ADAM12: variants seen among roughly 807,000 people sequenced by gnomAD.
The protein encoded by ADAM12 is ADAM metallopeptidase domain 12, also known as disintegrin and metalloproteinase domain-containing protein 12.
ADAM12 carries 70 observed loss-of-function variants against 106.4 expected under a neutral mutation model. The ratio of observed to expected loss-of-function variants is 0.66; its 90% confidence interval spans 0.54 to 0.80. The LOEUF (loss-of-function observed/expected upper bound fraction) is 0.80, where lower values mean the gene tolerates loss of function less well. ADAM12 is among the 30% of genes least tolerant of loss of function. ADAM12 has a pLI of 0.00. For synonymous variants in ADAM12, 420 were observed against 433.5 expected, an observed-to-expected ratio of 0.97 and a Z score of 0.39; for missense variants, 1,010 against 1,171.9, an observed-to-expected ratio of 0.86 and a Z score of 2.02.
chr10:126,144,370 T>A (rs1158862203), intron 4 of ADAM12, among the ~76,000 whole-genome samples: 1 of 152,200 alleles, frequency 6.6e-6, no homozygotes, highest in Non-Finnish European at 1.5e-5. Flanking sequence ...TGTAAGGCAT[T>A]GTTACAAATC....
At chr10:126,380,773 T>C (rs960649996) in intron 1 of ADAM12, among the ~76,000 whole-genome samples, 1 of 152,250 alleles carries the variant, frequency 6.6e-6, no homozygotes, top group Non-Finnish European at 1.5e-5. Flanking sequence ...TTAAAGAGCA[T>C]GGACATACTC....
chr10:126,163,269 C>T (rs982992230), intron 3 of ADAM12, among the ~76,000 whole-genome samples: 1 of 152,214 alleles, frequency 6.6e-6, no homozygotes, highest in Non-Finnish European at 1.5e-5. Flanking sequence ...GAGAGCTGTT[C>T]TCTTTCTTGG....
intron 2 of ADAM12, among the ~76,000 whole-genome samples, chr10:126,296,028 G>T (rs1960365976): frequency 6.6e-6 from 1 of 152,154 alleles, no homozygotes; most frequent in South Asian, 2.1e-4. Flanking sequence ...GGCAGGAACA[G>T]TCCATGAAGG....
rs369979668 is a variant in ADAM12, at chr10:126,058,785, C to T, written c.1609+6021G>A. 2.0e-5 allele frequency among the ~76,000 whole-genome samples: 3 copies of T among 152,312 alleles called. No individual in the cohort carries two copies. In the East Asian group the frequency reaches 5.8e-4, roughly 29 times the overall value. The stretch of plus-strand genomic sequence containing the variant: ...TGCCATCTGGCATTTATCTTAGAGA[C>T]AGAGTGGTCAATAATTTAAAAAGTG... On this transcript the variant is annotated intron_variant, in intron 14 of 22. Transcript: ENST00000448723.
chr10:126,012,426 TAAC>T lies in ADAM12; in HGVS notation c.*4850_*4852del, dbSNP rs1446609223. The T allele has an allele frequency of 1.1e-4, 16 of 152,372 alleles. No homozygotes were observed. The highest frequency in any genetic ancestry group is 3.4e-3 in the Middle Eastern group (1 of 294). The allele number at this position is 152,372 out of a possible 1,614,324, so 9.4% of individuals were successfully genotyped here. On this transcript the variant is annotated 3_prime_UTR_variant, in exon 23 of 23. Coordinates refer to ENST00000448723, the MANE Select transcript of ADAM12 (RefSeq NM_001288973.2). ...TACAATTTATTGGGTTTAATATTCA[TAAC>T]AATAACTTTTTCTACTGAAATAGCA...
intron 1 of ADAM12, 58 bp downstream of exon 1, chr10:126,388,000 G>T (rs969330402): frequency 5.9e-6 from 7 of 1,189,956 alleles, no homozygotes; most frequent in African/African-American, 1.6e-5. Context: ...GCGCCCAGGC[G>T]CAGCGTGCGG....
In ADAM12 at chr10:126,388,163, G is replaced by C. The variant is rs1856745302; in HGVS notation, c.-18C>G. On this transcript the variant is annotated 5_prime_UTR_variant, in exon 1 of 23. Coordinates refer to ENST00000448723, the MANE Select transcript of ADAM12 (RefSeq NM_001288973.2). The surrounding 1 kb of genome is among the most constrained non-coding windows in gnomAD (Gnocchi z 4.4). ...GCTGCCATCGTCGCCGGCCTTCAGT[G>C]CAGCAGCTCTCGGGCCCGGCGGCGA... 8.3e-7 allele frequency: 1 copy of C among 1,207,072 alleles called. No individual in the cohort carries two copies. The highest frequency in any genetic ancestry group is 1.6e-5 in the African/African-American group (1 of 63,360). The allele number at this position is 1,207,072 out of a possible 1,614,324, so 74.8% of individuals were successfully genotyped here. A position where few individuals can be genotyped will look rare whatever the true frequency, so the allele number is the denominator to read the frequency against.
At chr10:126,387,132 G>C (rs1856690956) in intron 1 of ADAM12, among the ~76,000 whole-genome samples, 1 of 152,206 alleles carries the variant, frequency 6.6e-6, no homozygotes, top group Admixed American at 6.5e-5. Flanking sequence ...TTGAGAGCTT[G>C]CGGCCAAGGG....
chr10:126,334,239 C>T lies in ADAM12; in HGVS notation c.89-3730G>A, dbSNP rs186018565. Among the ~76,000 whole-genome samples, 364 of 151,964 alleles carry T rather than the reference C, an allele frequency of 2.4e-3. 2 individuals are homozygous for T. The highest frequency in any genetic ancestry group is 6.6e-3 in the African/African-American group (272 of 41,440). On this transcript the variant is annotated intron_variant, in intron 1 of 22. Coordinates refer to ENST00000448723, the MANE Select transcript of ADAM12 (RefSeq NM_001288973.2). The stretch of plus-strand genomic sequence containing the variant: ...TGGATACATTCAAGCCTGAGAAACC[C>T]GGGGAAAAAATATGACCCTATAAAA...
chr10:126,046,005 TACTTA>T, intron 17 of ADAM12, 45 bp downstream of exon 17: 1 of 1,506,958 alleles, frequency 6.6e-7, no homozygotes, highest in Non-Finnish European at 9.2e-7. Flanking sequence ...AATGTATTAT[TACTTA>T]ACTTGTTATG....
rs193042237 is a variant in ADAM12 at position 126,281,538 on chromosome 10, G to A, written c.187-2550C>T. On this transcript the variant is annotated intron_variant, in intron 2 of 22. Transcript: ENST00000448723. The stretch of plus-strand genomic sequence containing the variant: ...GAAGAACATATTTTCCTTCAGGGAA[G>A]ATCTTTATGTACATTAGTTGAGGTA... 1.1e-3 allele frequency among the ~76,000 whole-genome samples: 170 copies of A among 152,296 alleles called. 3 individuals carry two copies. Among genetic ancestry groups the A allele is most frequent in the Admixed American group, 0.011 (170 of 15,298 alleles).
chr10:126,215,414 C>G (rs1446756206), intron 3 of ADAM12, among the ~76,000 whole-genome samples: 2 of 152,152 alleles, frequency 1.3e-5, no homozygotes, highest in African/African-American at 2.4e-5. Context: ...CTGGGGGAGG[C>G]CACAGGACAG....
rs754588268 is a variant in ADAM12 at position 126,049,225 on chromosome 10, A to G, written c.1917+28T>C. On this transcript the variant is annotated intron_variant, in intron 16 of 22. Coordinates refer to ENST00000448723, the MANE Select transcript of ADAM12 (RefSeq NM_001288973.2). The surrounding 1 kb of genome is among the most constrained non-coding windows in gnomAD (Gnocchi z 4.4). ...TGGGCCCTGTTCCAGACTTACATTTATGATCCAAGCAAACATTTGGGTCTT... is the reference window on the plus strand; with the variant it reads ...TGGGCCCTGTTCCAGACTTACATTTGTGATCCAAGCAAACATTTGGGTCTT... The G allele has an allele frequency of 1.2e-6, 2 of 1,612,568 alleles. No homozygotes were observed. Among genetic ancestry groups the G allele is most frequent in the Admixed American group, 1.7e-5 (1 of 60,022 alleles).
chr10:126,238,181 A>G (rs7906081), intron 3 of ADAM12, among the ~76,000 whole-genome samples: 8,662 of 152,276 alleles, frequency 0.057, 848 homozygotes, highest in African/African-American at 0.2. Context: ...CTACAATTGT[A>G]TTTTAAATTA....
At chr10:126,311,920 G>A (rs11244951) in intron 2 of ADAM12, among the ~76,000 whole-genome samples, 28,453 of 151,910 alleles carry the variant, frequency 0.19, 2,732 homozygotes, top group Middle Eastern at 0.26. Flanking sequence ...AGCCTGACAA[G>A]GGGGTCATGG....
At chr10:126,040,027 G>A (rs1954132478) in intron 18 of ADAM12, among the ~76,000 whole-genome samples, 1 of 152,186 alleles carries the variant, frequency 6.6e-6, no homozygotes, top group Admixed American at 6.5e-5. Flanking sequence ...AGCCTTTGTG[G>A]GGGAAACCCT....
At chr10:126,313,735 G>A (rs1414502160) in intron 2 of ADAM12, among the ~76,000 whole-genome samples, 3 of 151,934 alleles carry the variant, frequency 2.0e-5, no homozygotes, top group African/African-American at 7.3e-5. Context: ...AAGCTTCTGT[G>A]GTCAACTCTA....
intron 4 of ADAM12, chr10:126,145,679 T>A (rs1956613402): frequency 6.6e-6 from 1 of 152,232 alleles, no homozygotes; most frequent in Non-Finnish European, 1.5e-5. Flanking sequence ...CTCAGTATTC[T>A]CATCTGGGTA....
At chr10:126,321,797 A>G (rs1289384381) in intron 2 of ADAM12, among the ~76,000 whole-genome samples, 3 of 151,492 alleles carry the variant, frequency 2.0e-5, no homozygotes, top group Non-Finnish European at 4.4e-5. Flanking sequence ...AGAAAGTTAA[A>G]GATTTTTCTG....
Sources: allele counts gnomAD v4.1 joint callset (sites outside exome capture counted in the v4.1 genomes callset), GRCh38; gene constraint gnomAD v4.1.1; non-coding constraint Gnocchi (gnomAD v3.1); transcripts MANE v1.5; gene names NCBI Gene and HGNC (gene_info 2026-07-23, HGNC 2026-07-21).